PRDM12: variants seen among roughly 807,000 people sequenced by gnomAD.
The protein encoded by PRDM12 is PR/SET domain 12, also known as PR domain zinc finger protein 12.
Under a neutral mutation model 29.6 loss-of-function variants are expected in PRDM12, and 17 were observed. The ratio of observed to expected loss-of-function variants is 0.57; its 90% CI spans 0.39 to 0.86. The LOEUF is 0.86. PRDM12 is among the 40% of genes least tolerant of loss of function. PRDM12 has a pLI of 0.00. For synonymous variants in PRDM12, 231 were observed against 225.8 expected, an observed-to-expected ratio of 1.02 and a Z score of -0.21; for missense variants, 422 against 510.8, an observed-to-expected ratio of 0.83 and a Z score of 1.68.
At chr9:130,674,948 C>T (rs1217943512) in intron 3 of PRDM12, among the ~76,000 whole-genome samples, 1 of 152,172 alleles carries the variant, frequency 6.6e-6, no homozygotes, top group African/African-American at 2.4e-5. Context: ...GGCATGATCT[C>T]AGCTCACTGC....
chr9:130,677,681 A>G (rs144411354), intron 3 of PRDM12, among the ~76,000 whole-genome samples: 4 of 152,306 alleles, frequency 2.6e-5, no homozygotes, highest in African/African-American at 7.2e-5. Flanking sequence ...CTTCCATAAG[A>G]GGCCTGGCAG....
At chr9:130,677,907 G>T (rs755588353) in intron 3 of PRDM12, among the ~76,000 whole-genome samples, 2 of 152,176 alleles carry the variant, frequency 1.3e-5, no homozygotes, top group African/African-American at 2.4e-5. Flanking sequence ...ACTGGACTCT[G>T]TGTAAGGCAG....
Position 130,668,388 on chromosome 9 carries a change from G to C in PRDM12, c.570+75G>C, listed in dbSNP as rs1285382278. 6.3e-7 allele frequency: 1 copy of C among 1,592,246 alleles called. No homozygotes were observed. Among genetic ancestry groups the C allele is most frequent in the Non-Finnish European group, 8.6e-7 (1 of 1,165,912 alleles). On this transcript the variant is annotated intron_variant, in intron 3 of 4. Transcript: ENST00000253008. The surrounding 1 kb of genome is among the most constrained non-coding windows in gnomAD (Gnocchi z 4.0). ...GCGGGGGGAGGTGTGCAGGGCAGCG[G>C]TGTCCAGGAACCACAGTGGACAGAG...
chr9:130,673,119 C>A (rs905395931), intron 3 of PRDM12, among the ~76,000 whole-genome samples: 1 of 152,184 alleles, frequency 6.6e-6, no homozygotes, highest in South Asian at 2.1e-4. Flanking sequence ...AGTGAATGAC[C>A]AGCTGATCCT....
In PRDM12 at chr9:130,668,048, C is replaced by T; in HGVS notation, c.415-110C>T. The T allele has an allele frequency of 7.4e-7, 1 of 1,356,994 alleles. No homozygotes were observed. Among genetic ancestry groups the T allele is most frequent in the African/African-American group, 1.4e-5 (1 of 69,774 alleles). 84.1% of individuals were successfully genotyped at this position (1,356,994 alleles called of 1,614,324 possible). A position where few individuals can be genotyped will look rare whatever the true frequency, so the allele number is the denominator to read the frequency against. The stretch of plus-strand genomic sequence containing the variant: ...TTCAGTGGGAAAATGAAGCTTTATC[C>T]ACTTCCTGGGGCTGTTGTGAGGATG... On this transcript the variant is annotated intron_variant, in intron 2 of 4. Transcript: ENST00000253008. This position sits in a 1 kb window ranked among gnomAD's most constrained non-coding sequence, Gnocchi z 4.0.
intron 4 of PRDM12, among the ~76,000 whole-genome samples, chr9:130,680,544 T>G (rs1296940359): frequency 6.8e-6 from 1 of 147,576 alleles, no homozygotes; most frequent in Non-Finnish European, 1.5e-5. Context: ...GAGAACCACT[T>G]GAACCCAGGA....
Position 130,664,984 on chromosome 9 carries a change from G to T in PRDM12, c.223+108G>T. The T allele has an allele frequency of 8.5e-7, 1 of 1,172,602 alleles. No homozygotes were observed. The highest frequency in any genetic ancestry group is 1.5e-5 in the South Asian group (1 of 64,724). 72.6% of individuals were successfully genotyped at this position (1,172,602 alleles called of 1,614,324 possible). ...GGGATACCCGGCCTCGCTGCTACTCGCGCCAACCTGGGCTCTCCCGGCGCT... is the reference window on the plus strand; with the variant it reads ...GGGATACCCGGCCTCGCTGCTACTCTCGCCAACCTGGGCTCTCCCGGCGCT... On this transcript the variant is annotated intron_variant, in intron 1 of 4. Transcript: ENST00000253008. This position sits in a 1 kb window ranked among gnomAD's most constrained non-coding sequence, Gnocchi z 6.4.
rs113496409 is a variant in PRDM12 at position 130,668,094 on chromosome 9, G to A, written c.415-64G>A. On this transcript the variant is annotated intron_variant, in intron 2 of 4. Coordinates refer to ENST00000253008, the MANE Select transcript of PRDM12 (RefSeq NM_021619.3). The surrounding 1 kb of genome is among the most constrained non-coding windows in gnomAD (Gnocchi z 4.0). ...GGATGGAGAGTGTGTGTGTGGATGT[G>A]CCTGGAAGATGGTACACATGGCATA... 6.4e-6 allele frequency: 10 copies of A among 1,568,528 alleles called. No individual in the cohort carries two copies. The highest frequency in any genetic ancestry group is 4.0e-5 in the African/African-American group (3 of 74,132).
intron 1 of PRDM12, among the ~76,000 whole-genome samples, chr9:130,665,419 C>T (rs1830723674): frequency 6.6e-6 from 1 of 152,130 alleles, no homozygotes; most frequent in African/African-American, 2.4e-5. Flanking sequence ...GTTCTTATTC[C>T]TCATTCATCA....
Position 130,668,288 on chromosome 9 carries a change from C to G in PRDM12, c.545C>G (p.Thr182Ser). The G allele has an allele frequency of 6.2e-7, 1 of 1,614,096 alleles. No homozygotes were observed. The highest frequency in any genetic ancestry group is 2.2e-5 in the East Asian group (1 of 44,878). ...EQNLEVVQIGTSIFYKAIEMI... is the reference protein window; with the variant it reads ...EQNLEVVQIGSSIFYKAIEMI... ...AACCTGGAGGTGGTCCAGATCGGCA[C>G]CAGCATCTTCTACAAGGCCATTGAG... is the stretch of plus-strand genomic sequence containing the variant. Residue 182 changes from threonine (T) to serine (S), a missense_variant, in exon 3 of 5, where the codon ACC becomes AGC. Physicochemically the swap from Thr to Ser is moderately conservative, Grantham distance 58 (BLOSUM62 1). This residue lies in a region of PRDM12 where 300 missense variants were observed against 350.0 expected (regional missense o/e 0.86). Transcript: ENST00000253008. The surrounding 1 kb of genome is among the most constrained non-coding windows in gnomAD (Gnocchi z 4.0).
chr9:130,669,830 A>G (rs919368901), intron 3 of PRDM12, among the ~76,000 whole-genome samples: 9 of 151,366 alleles, frequency 5.9e-5, no homozygotes, highest in Non-Finnish European at 1.3e-4. Flanking sequence ...AAAAAAAAAA[A>G]AAAAAAAGGT....
chr9:130,665,809 G>A (rs1830728007), intron 1 of PRDM12, among the ~76,000 whole-genome samples: 1 of 152,182 alleles, frequency 6.6e-6, no homozygotes, highest in African/African-American at 2.4e-5. Context: ...TTCCCAGGTA[G>A]CTTAGAGGGG....
intron 4 of PRDM12, among the ~76,000 whole-genome samples, chr9:130,680,632 AAAATATATATAT>A (rs1830886518): frequency 1.3e-5 from 1 of 77,368 alleles, no homozygotes; most frequent in South Asian, 4.3e-4. Context: ...CTAAAAAAAA[AAAATATATATAT>A]ATATATATAT....
intron 3 of PRDM12, among the ~76,000 whole-genome samples, chr9:130,675,002 C>T (rs894721639): frequency 6.6e-6 from 1 of 152,156 alleles, no homozygotes; most frequent in African/African-American, 2.4e-5. Context: ...GCCTCAGCCT[C>T]CTGAGCAGGT....
In PRDM12 at chr9:130,668,329, T is replaced by C; in HGVS notation, c.570+16T>C. On this transcript the variant is annotated intron_variant, in intron 3 of 4. Coordinates refer to ENST00000253008, the MANE Select transcript of PRDM12 (RefSeq NM_021619.3). The surrounding 1 kb of genome is among the most constrained non-coding windows in gnomAD (Gnocchi z 4.0). ...GGCCATTGAGGTGTGTGTGTGTGTG[T>C]GCACTGTTGTGTAGGGACCAGCCGG... 2 of 1,612,740 alleles carry C rather than the reference T, an allele frequency of 1.2e-6. No homozygotes were observed. The highest frequency in any genetic ancestry group is 1.1e-5 in the South Asian group (1 of 90,988).
rs571554316 is a variant in PRDM12 at position 130,678,492 on chromosome 9, C to T, written c.571-37C>T. 9.8e-5 allele frequency: 146 copies of T among 1,489,972 alleles called. 1 individual carries two copies. The highest frequency in any genetic ancestry group is 4.7e-4 in the South Asian group (40 of 84,996). The allele number at this position is 1,489,972 out of a possible 1,614,324, so 92.3% of individuals were successfully genotyped here. A position where few individuals can be genotyped will look rare whatever the true frequency, so the allele number is the denominator to read the frequency against. On this transcript the variant is annotated intron_variant, in intron 3 of 4. Coordinates refer to ENST00000253008, the MANE Select transcript of PRDM12 (RefSeq NM_021619.3). Reference sequence around the variant, plus strand: ...ACCCCCAACTCTCACCTCCCAGCTGCGGCCTCCCTGACCTCCTCTTGCCTT... The same window carrying T: ...ACCCCCAACTCTCACCTCCCAGCTGTGGCCTCCCTGACCTCCTCTTGCCTT...
chr9:130,665,904 A>T (rs1830729113), intron 1 of PRDM12, among the ~76,000 whole-genome samples: 1 of 152,074 alleles, frequency 6.6e-6, no homozygotes, highest in Non-Finnish European at 1.5e-5. Context: ...ACCCTCGGGG[A>T]GCTGGGGGCC....
intron 3 of PRDM12, among the ~76,000 whole-genome samples, chr9:130,671,918 A>G: frequency 6.6e-6 from 1 of 152,262 alleles, no homozygotes; most frequent in East Asian, 1.9e-4. Context: ...AATAAGCAGA[A>G]TATACTATTG....
Position 130,664,799 on chromosome 9 carries a change from T to C in PRDM12, c.146T>C (p.Leu49Pro). The C allele has an allele frequency of 1.3e-6, 2 of 1,587,668 alleles. No homozygotes were observed. The highest frequency in any genetic ancestry group is 1.7e-6 in the Non-Finnish European group (2 of 1,168,402). ...TGGCGCAACGTGCTCGGGGAGCAGC[T>C]CTTCGAGGACAAGAGCCACCACGCC... The part of the protein sequence containing the change: ...GRWRNVLGEQ[L>P]FEDKSHHASP... The change falls in exon 1 of 5, where the codon CTC becomes CCC. Residue 49 changes from leucine (L) to proline (P), a missense_variant. By Grantham distance (98) the Leu-to-Pro change is moderately conservative. Transcript: ENST00000253008. The surrounding 1 kb of genome is among the most constrained non-coding windows in gnomAD (Gnocchi z 6.4).
Sources: gnomAD v4.1 joint callset for allele counts (sites outside exome capture counted in the v4.1 genomes callset) on GRCh38, gnomAD v4.1.1 for gene constraint, gnomAD v4.1.1 regional missense constraint, Gnocchi (gnomAD v3.1) non-coding constraint, MANE v1.5 for transcripts, NCBI Gene and HGNC (gene_info 2026-07-23, HGNC 2026-07-21) for gene names.